Variants in KLF7 observed in about 807,000 individuals in gnomAD.
KLF7 encodes the protein Krueppel-like factor 7.
In KLF7, 2 loss-of-function variants were observed where a neutral mutation model predicts 27.3. The observed-to-expected ratio is 0.07, with a 90% CI of 0.03 to 0.23. The LOEUF (loss-of-function observed/expected upper bound fraction) is 0.23, where lower values mean the gene tolerates loss of function less well. Ranked by LOEUF, KLF7 falls within the 10% of genes least tolerant of loss-of-function variation. The probability of loss-of-function intolerance (pLI) is 1.00; values close to 1 mark genes in which losing one functional copy is unlikely to be tolerated. For missense variants in KLF7, 221 were observed against 394.1 expected, an observed-to-expected ratio of 0.56 and a Z score of 3.72; for synonymous variants, 165 against 162.4, an observed-to-expected ratio of 1.02 and a Z score of -0.12.
intron 1 of KLF7, among the ~76,000 whole-genome samples, chr2:207,130,784 A>G (rs2077609770): frequency 6.6e-6 from 1 of 152,256 alleles, no homozygotes; most frequent in African/African-American, 2.4e-5. Flanking sequence ...CTACTACCCA[A>G]TAACTATGCC....
chr2:207,082,508 G>A (rs1456849840), intron 3 of KLF7, among the ~76,000 whole-genome samples: 2 of 152,174 alleles, frequency 1.3e-5, no homozygotes, highest in African/African-American at 4.8e-5. Flanking sequence ...ACCCTTGGAG[G>A]CTAACTGCAG....
chr2:207,137,283 A>C (rs1425200912), intron 1 of KLF7, among the ~76,000 whole-genome samples: 4 of 152,180 alleles, frequency 2.6e-5, no homozygotes, highest in Non-Finnish European at 5.9e-5. Context: ...CACTTCTATC[A>C]GTCCTTACAT....
intron 2 of KLF7, chr2:207,110,090 T>C (rs2076987778): frequency 6.5e-6 from 1 of 154,878 alleles, no homozygotes; most frequent in Non-Finnish European, 1.5e-5. Flanking sequence ...TTATTTTCTA[T>C]GCACGTGAAT....
At chr2:207,155,606 G>C (rs563224362) in intron 1 of KLF7, among the ~76,000 whole-genome samples, 1 of 152,152 alleles carries the variant, frequency 6.6e-6, no homozygotes, top group Non-Finnish European at 1.5e-5. Flanking sequence ...CTCTTGATCC[G>C]TATTAAAGAA....
chr2:207,113,880 G>C (rs1445047365), intron 2 of KLF7, among the ~76,000 whole-genome samples: 1 of 151,934 alleles, frequency 6.6e-6, no homozygotes, highest in Non-Finnish European at 1.5e-5. Flanking sequence ...TTTATCCCCA[G>C]AGAAATTGGA....
In KLF7 at chr2:207,074,280, GT is replaced by G. The variant is rs2076143128; in HGVS notation, c.*6932del. On this transcript the variant is annotated 3_prime_UTR_variant, in exon 4 of 4. Coordinates refer to ENST00000309446, the MANE Select transcript of KLF7 (RefSeq NM_003709.4). ...CTGCTGTGTCCCATGTGACAAATGT[GT>G]TTTACTGCTGTTTCCTGTGAATGAC... 6.6e-6 allele frequency: 1 copy of G among 152,096 alleles called. No individual in the cohort carries two copies. Among genetic ancestry groups the G allele is most frequent in the Non-Finnish European group, 1.5e-5 (1 of 68,030 alleles). The allele number at this position is 152,096 out of a possible 1,614,324, so 9.4% of individuals were successfully genotyped here.
intron 2 of KLF7, among the ~76,000 whole-genome samples, chr2:207,101,881 C>T (rs1268807727): frequency 6.6e-6 from 1 of 152,026 alleles, no homozygotes; most frequent in Non-Finnish European, 1.5e-5. Context: ...CCAAATGGTC[C>T]CTTTAAGGGC....
intron 2 of KLF7, among the ~76,000 whole-genome samples, chr2:207,092,955 T>C (rs554911917): frequency 1.4e-4 from 21 of 152,220 alleles, no homozygotes; most frequent in Non-Finnish European, 2.5e-4. Context: ...CACTGCCCTG[T>C]AGGATAAATA....
chr2:207,098,641 C>T (rs910039802), intron 2 of KLF7, among the ~76,000 whole-genome samples: 2 of 91,522 alleles, frequency 2.2e-5, no homozygotes, highest in African/African-American at 9.1e-5. Flanking sequence ...TATTATTTTC[C>T]TTAGAGACAG....
At chr2:207,162,768 A>G (rs1287993987) in intron 1 of KLF7, among the ~76,000 whole-genome samples, 1 of 152,214 alleles carries the variant, frequency 6.6e-6, no homozygotes, top group Non-Finnish European at 1.5e-5. Flanking sequence ...TGAGTTTATC[A>G]TCGAAGCCAC....
At chr2:207,102,548 A>C (rs1280379965) in intron 2 of KLF7, among the ~76,000 whole-genome samples, 1 of 152,206 alleles carries the variant, frequency 6.6e-6, no homozygotes, top group Non-Finnish European at 1.5e-5. Flanking sequence ...TTCAGAACTT[A>C]AGCCATTCCA....
intron 2 of KLF7, among the ~76,000 whole-genome samples, chr2:207,090,095 T>C (rs1176055615): frequency 6.6e-6 from 1 of 152,150 alleles, no homozygotes; most frequent in East Asian, 1.9e-4. Context: ...TTTCATTAAA[T>C]TGGTGCCCTA....
chr2:207,147,680 G>A (rs983974972), intron 1 of KLF7, among the ~76,000 whole-genome samples: 6 of 152,072 alleles, frequency 3.9e-5, no homozygotes, highest in South Asian at 4.2e-4. Context: ...GTGTTCTTAC[G>A]ACCACACCCA....
chr2:207,115,860 T>G (rs768451106), intron 2 of KLF7, among the ~76,000 whole-genome samples: 2 of 152,360 alleles, frequency 1.3e-5, no homozygotes, highest in East Asian at 1.9e-4. Flanking sequence ...TATAATCCAC[T>G]GACCACAACA....
chr2:207,112,728 C>T (rs1324294969), intron 2 of KLF7, among the ~76,000 whole-genome samples: 1 of 152,204 alleles, frequency 6.6e-6, no homozygotes, highest in Non-Finnish European at 1.5e-5. Context: ...TGTCGCACTT[C>T]CAGTGAGAAT....
chr2:207,123,737 A>G, intron 2 of KLF7, 37 bp downstream of exon 2: 1 of 1,580,598 alleles, frequency 6.3e-7, no homozygotes, highest in Non-Finnish European at 8.6e-7. Context: ...ACAGGAGGGG[A>G]AAGAAGAAAC....
chr2:207,113,672 G>GGCCCAGGCTGGT (rs1341034925), intron 2 of KLF7, among the ~76,000 whole-genome samples: 6 of 150,982 alleles, frequency 4.0e-5, no homozygotes, highest in African/African-American at 1.5e-4. Context: ...CTGTGTAGCA[G>GGCCCAGGCTGGT]GCCCAGGCTG....
intron 1 of KLF7, among the ~76,000 whole-genome samples, chr2:207,145,615 T>G (rs2078076841): frequency 6.6e-6 from 1 of 152,222 alleles, no homozygotes; most frequent in South Asian, 2.1e-4. Context: ...GGAAGATGAG[T>G]AGAAATATTC....
chr2:207,139,739 A>G (rs1018348853), intron 1 of KLF7, among the ~76,000 whole-genome samples: 1 of 152,214 alleles, frequency 6.6e-6, no homozygotes, highest in African/African-American at 2.4e-5. Flanking sequence ...ACCCTTAATT[A>G]TGCAATTTCC....
Sources: gnomAD v4.1 joint callset for allele counts (sites outside exome capture counted in the v4.1 genomes callset) on GRCh38, gnomAD v4.1.1 for gene constraint, MANE v1.5 for transcripts, NCBI Gene and HGNC (gene_info 2026-07-23, HGNC 2026-07-21) for gene names.